Variants in STRIT1 observed in about 807,000 individuals in gnomAD.
STRIT1 encodes small transmembrane regulator of ion transport 1.
chr3:155,292,126 C>G (rs1314323686), intron 1 of STRIT1, among the ~76,000 whole-genome samples: 2 of 152,078 alleles, frequency 1.3e-5, no homozygotes, highest in African/African-American at 4.8e-5. Context: ...TTAGAAGACA[C>G]TTTTATAAAA....
chr3:155,291,317 G>A, intron 1 of STRIT1: 1 of 260,850 alleles, frequency 3.8e-6, no homozygotes, highest in Non-Finnish European at 7.1e-6. Flanking sequence ...TGAAACTTGT[G>A]CTCTCTACCT....
At chr3:155,291,500 A>G (rs564765964) in intron 1 of STRIT1, among the ~76,000 whole-genome samples, 50 of 152,294 alleles carry the variant, frequency 3.3e-4, no homozygotes, top group African/African-American at 1.2e-3. Flanking sequence ...AATTCCCACT[A>G]AAGTAAATAA....
At chr3:155,292,043 C>T (rs942382788) in intron 1 of STRIT1, among the ~76,000 whole-genome samples, 1 of 152,104 alleles carries the variant, frequency 6.6e-6, no homozygotes, top group African/African-American at 2.4e-5. Flanking sequence ...TTACAATTTC[C>T]ATCACTTTAA....
chr3:155,293,152 GA>G (rs1346713125), intron 1 of STRIT1, among the ~76,000 whole-genome samples: 1 of 151,904 alleles, frequency 6.6e-6, no homozygotes, highest in Non-Finnish European at 1.5e-5. Context: ...TTAAAAACCA[GA>G]AAAAAGTTAG....
In STRIT1 at chr3:155,291,037, C is replaced by T. The variant is rs889571274; in HGVS notation, c.15G>A (p.Ala5=). 1.0e-5 allele frequency: 4 copies of T among 398,362 alleles called. No individual in the cohort carries two copies. The highest frequency in any genetic ancestry group is 4.1e-5 in the African/African-American group (2 of 48,536). The allele number at this position is 398,362 out of a possible 1,614,324, so 24.7% of individuals were successfully genotyped here. A position where few individuals can be genotyped will look rare whatever the true frequency, so the allele number is the denominator to read the frequency against. The change falls in exon 2 of 3, where the codon GCG becomes GCA. Residue 5 remains alanine (A), a splice_region_variant and synonymous_variant. Coordinates refer to ENST00000489090, the MANE Select transcript of STRIT1 (RefSeq NM_001352129.2). ...CCAGAAGGTGTGAAAATGTAGACCC[C>T]GCTTTAAAATAAACCGTAGAAAACA... The part of the protein sequence containing the change: MAEK[A]GSTFSHLLVP...
Position 155,290,765 on chromosome 3 carries a change from T to G in STRIT1, c.*86A>C. 2.6e-6 allele frequency: 1 copy of G among 378,296 alleles called. No homozygotes were observed. The highest frequency in any genetic ancestry group is 3.8e-5 in the East Asian group (1 of 26,666). 23.4% of individuals were successfully genotyped at this position (378,296 alleles called of 1,614,324 possible). A position where few individuals can be genotyped will look rare whatever the true frequency, so the allele number is the denominator to read the frequency against. ...TAAAGTGATGTCAAACATTGCATTG[T>G]TTAACATGAGACATTTAATAATCAG... On this transcript the variant is annotated 3_prime_UTR_variant, in exon 3 of 3. Transcript: ENST00000489090.
chr3:155,291,826 G>A (rs959078885), intron 1 of STRIT1, among the ~76,000 whole-genome samples: 1 of 151,998 alleles, frequency 6.6e-6, no homozygotes, highest in Non-Finnish European at 1.5e-5. Flanking sequence ...TGTAACTCTT[G>A]TTCTTTCAAG....
Position 155,293,665 on chromosome 3 carries a change from C to T in STRIT1, c.-33G>A, listed in dbSNP as rs187139295. The T allele has an allele frequency of 7.5e-6, 3 of 397,750 alleles. No individual in the cohort carries two copies. Among genetic ancestry groups the T allele is most frequent in the South Asian group, 1.3e-4 (1 of 7,824 alleles). 24.6% of individuals were successfully genotyped at this position (397,750 alleles called of 1,614,324 possible). A position where few individuals can be genotyped will look rare whatever the true frequency, so the allele number is the denominator to read the frequency against. ...GTTGGTGGGTGGCTAGGTCAGGCCA[C>T]GCTTACCTCTTTCTTTTGTTATCCA... On this transcript the variant is annotated 5_prime_UTR_variant, in exon 1 of 3. The change creates a new upstream start codon in the 5' untranslated region. Transcript: ENST00000489090.
At position 155,290,658 on chromosome 3, in the gene STRIT1, A is replaced by G; in HGVS notation, c.*193T>C. On this transcript the variant is annotated 3_prime_UTR_variant, in exon 3 of 3. Transcript: ENST00000489090. ...GCTAAACATTTTTCTCACTCAGAAT[A>G]TAGAGAAATTCACTCATAATTTCTT... 1 of 233,926 alleles carries G rather than the reference A, an allele frequency of 4.3e-6. No individual in the cohort carries two copies. Among genetic ancestry groups the G allele is most frequent in the Non-Finnish European group, 8.2e-6 (1 of 122,534 alleles). 14.5% of individuals were successfully genotyped at this position (233,926 alleles called of 1,614,324 possible).
rs1280873046 is a variant in STRIT1, at chr3:155,290,273, AC to A, written c.*577del. ...TTTTTTCCCATCTGATAAGTGAGCA[AC>A]AATTCCTCAGTGTAGTTTTAATTAC... On this transcript the variant is annotated 3_prime_UTR_variant, in exon 3 of 3. Transcript: ENST00000489090. 3.3e-5 allele frequency: 5 copies of A among 152,076 alleles called. No individual in the cohort carries two copies. Among genetic ancestry groups the A allele is most frequent in the Non-Finnish European group, 5.9e-5 (4 of 68,022 alleles). The allele number at this position is 152,076 out of a possible 1,614,324, so 9.4% of individuals were successfully genotyped here. A position where few individuals can be genotyped will look rare whatever the true frequency, so the allele number is the denominator to read the frequency against.
At chr3:155,292,736 G>A (rs116143625) in intron 1 of STRIT1, among the ~76,000 whole-genome samples, 48 of 152,190 alleles carry the variant, frequency 3.2e-4, no homozygotes, top group African/African-American at 1.1e-3. Flanking sequence ...CTTTGCATAT[G>A]TCACTTACAT....
In STRIT1 at chr3:155,290,393, C is replaced by CTTTTTTT. The variant is rs5853720; in HGVS notation, c.*451_*457dup. On this transcript the variant is annotated 3_prime_UTR_variant, in exon 3 of 3. Coordinates refer to ENST00000489090, the MANE Select transcript of STRIT1 (RefSeq NM_001352129.2). The stretch of plus-strand genomic sequence containing the variant: ...TTTTTATCTCTAGCCCATTTTCTTT[C>CTTTTTTT]TTTTTTTTTTTTTTTTTTTTTTTTT... 2.8e-3 allele frequency: 167 copies of CTTTTTTT among 59,608 alleles called. 24 individuals carry two copies. The highest frequency in any genetic ancestry group is 7.8e-3 in the East Asian group (12 of 1,538). The allele number at this position is 59,608 out of a possible 1,614,324, so 3.7% of individuals were successfully genotyped here. A position where few individuals can be genotyped will look rare whatever the true frequency, so the allele number is the denominator to read the frequency against.
At chr3:155,293,295 A>G (rs982603730) in intron 1 of STRIT1, among the ~76,000 whole-genome samples, 7 of 152,118 alleles carry the variant, frequency 4.6e-5, no homozygotes, top group Non-Finnish European at 1.0e-4. Context: ...CAGGTCTGAC[A>G]CAGAACTTAA....
intron 1 of STRIT1, 35 bp downstream of exon 1, chr3:155,293,585 T>G (rs1236858211): frequency 7.5e-6 from 3 of 398,380 alleles, no homozygotes; most frequent in Non-Finnish European, 1.3e-5. Flanking sequence ...CTTTTTTTTT[T>G]TTTTGCCAAG....
Position 155,290,826 on chromosome 3 carries a change from G to A in STRIT1, c.*25C>T. The stretch of plus-strand genomic sequence containing the variant: ...AGTTTTCTTAATTCTTCTAAATGAT[G>A]TCAATCTGATATCTTCTTGCCTGAA... On this transcript the variant is annotated 3_prime_UTR_variant, in exon 3 of 3. Coordinates refer to ENST00000489090, the MANE Select transcript of STRIT1 (RefSeq NM_001352129.2). The A allele has an allele frequency of 2.5e-6, 1 of 393,692 alleles. No homozygotes were observed. The highest frequency in any genetic ancestry group is 3.6e-5 in the East Asian group (1 of 27,750). The allele number at this position is 393,692 out of a possible 1,614,324, so 24.4% of individuals were successfully genotyped here.
chr3:155,290,978 C>T lies in STRIT1; in HGVS notation c.74G>A (p.Gly25Asp), dbSNP rs1200203728. 5.0e-6 allele frequency: 2 copies of T among 398,534 alleles called. No homozygotes were observed. Among genetic ancestry groups the T allele is most frequent in the Non-Finnish European group, 8.9e-6 (2 of 225,904 alleles). 24.7% of individuals were successfully genotyped at this position (398,534 alleles called of 1,614,324 possible). A position where few individuals can be genotyped will look rare whatever the true frequency, so the allele number is the denominator to read the frequency against. ...GACAACATAAATCATTATGATGCAGCCCACAATCCAGCCAATCAGGAGAAG... is the reference window on the plus strand; with the variant it reads ...GACAACATAAATCATTATGATGCAGTCCACAATCCAGCCAATCAGGAGAAG... ...PILLLIGWIV[G>D]CIIMIYVVFS The change falls in exon 2 of 3, where the codon GGC becomes GAC. Residue 25 changes from glycine (G) to aspartate (D), a missense_variant. Physicochemically the swap from Gly to Asp is moderately conservative, Grantham distance 94. Transcript: ENST00000489090.
chr3:155,291,732 T>C (rs1341461404), intron 1 of STRIT1, among the ~76,000 whole-genome samples: 1 of 152,202 alleles, frequency 6.6e-6, no homozygotes, highest in African/African-American at 2.4e-5. Context: ...GTTTGTTATA[T>C]ATGATTCCTT....
At chr3:155,291,156 T>C in intron 1 of STRIT1, 118 bp from the exon 2 acceptor site, 1 of 393,126 alleles carries the variant, frequency 2.5e-6, no homozygotes, top group Non-Finnish European at 4.5e-6. Context: ...TCTCTAGTTA[T>C]ACCCATACAT....
At chr3:155,292,441 A>G (rs75144572) in intron 1 of STRIT1, among the ~76,000 whole-genome samples, 1,934 of 152,284 alleles carry the variant, frequency 0.013, 35 homozygotes, top group African/African-American at 0.044. Context: ...CTGTCTAGGT[A>G]TGTGGCTTTA....
Sources: gnomAD v4.1 joint callset for allele counts (sites outside exome capture counted in the v4.1 genomes callset) on GRCh38, gnomAD v4.1.1 for gene constraint, MANE v1.5 for transcripts, NCBI Gene and HGNC (gene_info 2026-07-23, HGNC 2026-07-21) for gene names.